SUPT3H: variants seen among roughly 807,000 people sequenced by gnomAD.
SUPT3H encodes SPT3 homolog, SAGA and STAGA complex component, also known as transcription initiation protein SPT3 homolog.
Under a neutral mutation model 44.3 loss-of-function variants are expected in SUPT3H, and 44 were observed. That is an observed-to-expected ratio of 0.99 (90% CI 0.78 to 1.28). SUPT3H has a LOEUF of 1.28. Ranked by LOEUF, SUPT3H falls within the 50% of genes most tolerant of loss-of-function variation. The probability of loss-of-function intolerance (pLI) is 0.00; values close to 1 mark genes in which losing one functional copy is unlikely to be tolerated. For synonymous variants in SUPT3H, 124 were observed against 125.6 expected (o/e 0.99, Z 0.09); for missense variants, 380 against 387.1 (o/e 0.98, Z 0.15).
At chr6:45,097,479 AG>A (rs1463216692) in intron 3 of SUPT3H, 2 of 152,256 alleles carry the variant, frequency 1.3e-5, no homozygotes, top group Non-Finnish European at 2.9e-5. Flanking sequence ...ACCTAGCTTA[AG>A]ATGGGCCAGC....
chr6:44,972,507 G>A (rs533671732), intron 6 of SUPT3H, among the ~76,000 whole-genome samples: 16 of 152,222 alleles, frequency 1.1e-4, no homozygotes, highest in Admixed American at 2.6e-4. Flanking sequence ...CACAGTGCAA[G>A]CTGTCAGTGG....
At chr6:45,050,317 A>T (rs2153535588) in intron 3 of SUPT3H, among the ~76,000 whole-genome samples, 1 of 82,608 alleles carries the variant, frequency 1.2e-5, no homozygotes, top group Non-Finnish European at 2.7e-5. Flanking sequence ...GTGTAAAAAG[A>T]AGATACTTCC....
At chr6:45,268,870 T>C (rs566781193) in intron 2 of SUPT3H, among the ~76,000 whole-genome samples, 8 of 152,326 alleles carry the variant, frequency 5.3e-5, no homozygotes, top group African/African-American at 1.9e-4. Context: ...TTAATGAATA[T>C]ATTGGTTAAA....
intron 2 of SUPT3H, among the ~76,000 whole-genome samples, chr6:45,251,991 G>GT (rs1225296388): frequency 1.3e-5 from 2 of 152,062 alleles, no homozygotes; most frequent in Non-Finnish European, 2.9e-5. Context: ...TAAAGAAAAG[G>GT]TCTTATAAAT....
At chr6:45,079,734 T>C (rs570796479) in intron 3 of SUPT3H, among the ~76,000 whole-genome samples, 5 of 152,080 alleles carry the variant, frequency 3.3e-5, no homozygotes, top group African/African-American at 9.6e-5. Flanking sequence ...TCTGGGAAAA[T>C]TGGATATCCA....
chr6:45,355,834 C>T (rs1193101250), intron 2 of SUPT3H, among the ~76,000 whole-genome samples: 1 of 151,974 alleles, frequency 6.6e-6, no homozygotes, highest in Non-Finnish European at 1.5e-5. Context: ...AAAGTAATTC[C>T]AACCAAAAAG....
rs969869912 is a variant in SUPT3H, at chr6:44,847,958, C to CTTTTTTTTTTTTT, written c.913-18114_913-18102dup. On this transcript the variant is annotated intron_variant, in intron 10 of 10. Coordinates refer to ENST00000371459, the MANE Select transcript of SUPT3H (RefSeq NM_003599.4). ...CTAGTGTTGACAGTTATCTCTGTGT[C>CTTTTTTTTTTTTT]TTTTTTTTTTTTTTTTTTTTTTTTT... Among the ~76,000 whole-genome samples the CTTTTTTTTTTTTT allele has an allele frequency of 8.6e-5, 5 of 58,350 alleles. 1 individual carries two copies. The highest frequency in any genetic ancestry group is 2.7e-4 in the African/African-American group (4 of 14,586). The allele number at this position is 58,350 out of a possible 152,430, so 38.3% of individuals were successfully genotyped here. A position where few individuals can be genotyped will look rare whatever the true frequency, so the allele number is the denominator to read the frequency against.
intron 2 of SUPT3H, among the ~76,000 whole-genome samples, chr6:45,339,522 G>C (rs187662872): frequency 1.3e-5 from 2 of 152,172 alleles, no homozygotes; most frequent in African/African-American, 4.8e-5. Flanking sequence ...TCTTCCAATA[G>C]AGGTGATAGT....
At chr6:44,817,586 C>A (rs1014415644) in intron 11 of SUPT3H, among the ~76,000 whole-genome samples, 1 of 152,080 alleles carries the variant, frequency 6.6e-6, no homozygotes, top group African/African-American at 2.4e-5. Flanking sequence ...GAAACTATAA[C>A]TGCCCCCACC....
chr6:45,199,956 G>A (rs1306687054), intron 2 of SUPT3H, among the ~76,000 whole-genome samples: 2 of 151,282 alleles, frequency 1.3e-5, no homozygotes, highest in Non-Finnish European at 3.0e-5. Flanking sequence ...CAGTCAGTTT[G>A]TATCTGAAAT....
chr6:45,280,759 A>AAG (rs1777887919), intron 2 of SUPT3H, among the ~76,000 whole-genome samples: 1 of 152,154 alleles, frequency 6.6e-6, no homozygotes, highest in South Asian at 2.1e-4. Context: ...AGTGGTAACC[A>AAG]TGGGATAAAA....
intron 2 of SUPT3H, among the ~76,000 whole-genome samples, chr6:45,183,280 A>G (rs1813602792): frequency 6.6e-6 from 1 of 152,242 alleles, no homozygotes; most frequent in South Asian, 2.1e-4. Flanking sequence ...TGATAGAGAC[A>G]AAGTAAGTTA....
At chr6:45,297,464 A>T (rs72860105) in intron 2 of SUPT3H, among the ~76,000 whole-genome samples, 34,553 of 152,152 alleles carry the variant, frequency 0.23, 4,602 homozygotes, top group Non-Finnish European at 0.31. Context: ...TTTGTGTTAT[A>T]CAAAAATTAC....
At chr6:45,231,097 C>T (rs904245132) in intron 2 of SUPT3H, among the ~76,000 whole-genome samples, 1 of 152,070 alleles carries the variant, frequency 6.6e-6, no homozygotes, top group African/African-American at 2.4e-5. Flanking sequence ...TTCTTATTTT[C>T]TGATTGATTG....
intron 10 of SUPT3H, among the ~76,000 whole-genome samples, chr6:44,886,661 T>A (rs1275017943): frequency 4.6e-5 from 7 of 152,084 alleles, no homozygotes; most frequent in African/African-American, 1.7e-4. Context: ...CACTGCAAAA[T>A]CATGCCAAAT....
At chr6:45,038,566 A>T (rs1220381612) in intron 3 of SUPT3H, among the ~76,000 whole-genome samples, 1 of 152,192 alleles carries the variant, frequency 6.6e-6, no homozygotes, top group Non-Finnish European at 1.5e-5. Flanking sequence ...GACTGAGTCC[A>T]CTTTTGGCTT....
At chr6:44,960,211 A>G (rs1376109357) in intron 7 of SUPT3H, among the ~76,000 whole-genome samples, 1 of 152,030 alleles carries the variant, frequency 6.6e-6, no homozygotes, top group Non-Finnish European at 1.5e-5. Context: ...GTTCAAGACC[A>G]CCCTGGCCAA....
At chr6:45,061,564 C>A (rs1374492358) in intron 3 of SUPT3H, among the ~76,000 whole-genome samples, 1 of 152,090 alleles carries the variant, frequency 6.6e-6, no homozygotes. Context: ...ATGTAACAAA[C>A]CTGCACGTCC....
intron 10 of SUPT3H, among the ~76,000 whole-genome samples, chr6:44,893,321 C>T (rs1763595036): frequency 6.6e-6 from 1 of 152,216 alleles, no homozygotes; most frequent in African/African-American, 2.4e-5. Flanking sequence ...TGGTGCGCTG[C>T]ACCCACTAAC....
Sources: allele counts gnomAD v4.1 joint callset (sites outside exome capture counted in the v4.1 genomes callset), GRCh38; gene constraint gnomAD v4.1.1; transcripts MANE v1.5; gene names NCBI Gene and HGNC (gene_info 2026-07-23, HGNC 2026-07-21).